Variants in UGT2B15 observed in about 807,000 individuals in gnomAD.
UGT2B15 encodes UDP glucuronosyltransferase family 2 member B15.
In UGT2B15, 36 loss-of-function variants were observed where a neutral mutation model predicts 45.9. The ratio of observed to expected loss-of-function variants is 0.78; its 90% CI spans 0.60 to 1.04. UGT2B15 has a LOEUF of 1.04. UGT2B15 is among the 50% of genes least tolerant of loss of function. UGT2B15 has a pLI of 0.00. For missense variants in UGT2B15, 617 were observed against 622.4 expected, an observed-to-expected ratio of 0.99 and a Z score of 0.09; for synonymous variants, 219 against 216.4, an observed-to-expected ratio of 1.01 and a Z score of -0.11.
At chr4:68,650,148 TA>T (rs1732608692) in intron 5 of UGT2B15, among the ~76,000 whole-genome samples, 1 of 152,058 alleles carries the variant, frequency 6.6e-6, no homozygotes, top group Non-Finnish European at 1.5e-5. Flanking sequence ...CAAATTTTTT[TA>T]AAAAGTTTTA....
chr4:68,652,282 C>T (rs769797869), intron 5 of UGT2B15, among the ~76,000 whole-genome samples: 46 of 151,972 alleles, frequency 3.0e-4, no homozygotes, highest in East Asian at 1.9e-4. Context: ...TTTGGAGCTG[C>T]GACAAAGGGG....
At position 68,654,123 on chromosome 4, in the gene UGT2B15, G is replaced by T. The variant is rs759067328; in HGVS notation, c.1227C>A (p.Ala409=). 1.2e-6 allele frequency: 2 copies of T among 1,613,476 alleles called. No homozygotes were observed. The highest frequency in any genetic ancestry group is 2.7e-5 in the African/African-American group (2 of 74,806). ...DQHDNIAHMK[A]KGAALSVDIR... is the part of the protein sequence containing the mutation. ...TGTCCACACTGAGGGCTGCTCCCTT[G>T]GCTTTCATGTGAGCAATGTTATCAT... The change falls in exon 5 of 6, where the codon GCC becomes GCA. Residue 409 remains alanine (A), a synonymous_variant. Coordinates refer to ENST00000338206, the MANE Select transcript of UGT2B15 (RefSeq NM_001076.4).
chr4:68,664,309 A>G (rs1733055568), intron 2 of UGT2B15, among the ~76,000 whole-genome samples: 1 of 150,908 alleles, frequency 6.6e-6, no homozygotes, highest in African/African-American at 2.4e-5. Context: ...AGAAATGTAG[A>G]CCCATAAGTT....
At chr4:68,652,193 T>C (rs1192880932) in intron 5 of UGT2B15, among the ~76,000 whole-genome samples, 2 of 152,032 alleles carry the variant, frequency 1.3e-5, no homozygotes, top group Admixed American at 6.6e-5. Flanking sequence ...ACTGTCAGTG[T>C]ATAGTAATGC....
Position 68,646,650 on chromosome 4 carries a change from G to A in UGT2B15, c.*454C>T, listed in dbSNP as rs1732477299. 1 of 147,872 alleles carries A rather than the reference G, an allele frequency of 6.8e-6. No individual in the cohort carries two copies. Among genetic ancestry groups the A allele is most frequent in the African/African-American group, 2.5e-5 (1 of 39,932 alleles). The allele number at this position is 147,872 out of a possible 1,614,324, so 9.2% of individuals were successfully genotyped here. ...TTTCTTTTTTTTTTATGGCTTGGATGACACTTTATTTTCAGATCCAATACT... is the reference window on the plus strand; with the variant it reads ...TTTCTTTTTTTTTTATGGCTTGGATAACACTTTATTTTCAGATCCAATACT... On this transcript the variant is annotated 3_prime_UTR_variant, in exon 6 of 6. Transcript: ENST00000338206.
At chr4:68,662,519 G>A (rs1337512032) in intron 3 of UGT2B15, among the ~76,000 whole-genome samples, 1 of 145,400 alleles carries the variant, frequency 6.9e-6, no homozygotes, top group African/African-American at 2.6e-5. Context: ...TCCAATACAT[G>A]GGAAGTAAAA....
chr4:68,660,004 GA>G (rs1160020938), intron 3 of UGT2B15, among the ~76,000 whole-genome samples: 1 of 141,098 alleles, frequency 7.1e-6, no homozygotes, highest in Admixed American at 7.2e-5. Context: ...ATACTCCTAT[GA>G]AAAAAATTTA....
chr4:68,662,545 G>A (rs1488325036), intron 3 of UGT2B15, among the ~76,000 whole-genome samples: 1 of 147,156 alleles, frequency 6.8e-6, no homozygotes, highest in Non-Finnish European at 1.5e-5. Context: ...CAGATTGCTT[G>A]GTAAGACGAA....
Position 68,646,971 on chromosome 4 carries a change from T to C in UGT2B15, c.*133A>G, listed in dbSNP as rs1732492049. On this transcript the variant is annotated 3_prime_UTR_variant, in exon 6 of 6. Coordinates refer to ENST00000338206, the MANE Select transcript of UGT2B15 (RefSeq NM_001076.4). ...GTATTAAATCCCTGGAAAATAAATT[T>C]TGTCTTAACAAGGTAAGTTGTGAAA... is the stretch of plus-strand genomic sequence containing the variant. 2.2e-6 allele frequency: 3 copies of C among 1,348,054 alleles called. No homozygotes were observed. Among genetic ancestry groups the C allele is most frequent in the South Asian group, 3.0e-5 (2 of 67,184 alleles). 83.5% of individuals were successfully genotyped at this position (1,348,054 alleles called of 1,614,324 possible).
chr4:68,662,141 A>G (rs1380349300), intron 3 of UGT2B15, among the ~76,000 whole-genome samples: 1 of 152,100 alleles, frequency 6.6e-6, no homozygotes, highest in Non-Finnish European at 1.5e-5. Context: ...ATAAGAAACT[A>G]AAACGTAAAT....
At chr4:68,666,745 TA>T (rs1733132142) in intron 2 of UGT2B15, among the ~76,000 whole-genome samples, 7 of 77,864 alleles carry the variant, frequency 9.0e-5, no homozygotes, top group African/African-American at 2.6e-4. Context: ...TATATATATA[TA>T]TATATATTTT....
intron 2 of UGT2B15, among the ~76,000 whole-genome samples, 156 bp downstream of exon 2, chr4:68,667,884 T>C (rs1733186541): frequency 6.6e-6 from 1 of 152,204 alleles, no homozygotes; most frequent in Non-Finnish European, 1.5e-5. Flanking sequence ...ATTCACATAC[T>C]TGTGATACTA....
At chr4:68,652,492 T>C (rs1198542556) in intron 5 of UGT2B15, among the ~76,000 whole-genome samples, 3 of 151,710 alleles carry the variant, frequency 2.0e-5, no homozygotes, top group Admixed American at 2.0e-4. Context: ...AAATCATTTC[T>C]TGTCTTACTA....
At chr4:68,654,356 G>T (rs1732743351) in intron 4 of UGT2B15, 100 bp from the exon 5 acceptor site, 2 of 1,213,984 alleles carry the variant, frequency 1.6e-6, no homozygotes, top group East Asian at 2.4e-5. Flanking sequence ...CTGTTCCCTA[G>T]GTAACATTAT....
intron 5 of UGT2B15, among the ~76,000 whole-genome samples, chr4:68,649,173 C>T (rs1173075638): frequency 6.7e-6 from 1 of 150,172 alleles, no homozygotes; most frequent in Non-Finnish European, 1.5e-5. Context: ...TCTAGTATGA[C>T]TAGAACATAT....
chr4:68,666,753 T>TA (rs376549417), intron 2 of UGT2B15, among the ~76,000 whole-genome samples: 15,024 of 85,468 alleles, frequency 0.18, 880 homozygotes, highest in South Asian at 0.34. Context: ...TATATATATA[T>TA]TTTTTTTTTT....
At position 68,662,341 on chromosome 4, in the gene UGT2B15, T is replaced by G. The variant is rs528739543; in HGVS notation, c.1005+667A>C. 7.6e-4 allele frequency among the ~76,000 whole-genome samples: 115 copies of G among 151,694 alleles called. 1 individual carries two copies. Among genetic ancestry groups the G allele is most frequent in the Non-Finnish European group, 1.1e-3 (77 of 67,960 alleles). On this transcript the variant is annotated intron_variant, in intron 3 of 5. Transcript: ENST00000338206. ...TTCTATCTCCATCCTTTCCATTACA[T>G]TTTTCTGCTTAAGACATTAGCGGCA...
chr4:68,654,079 C>T lies in UGT2B15; in HGVS notation c.1271G>A (p.Arg424Lys). 1.2e-6 allele frequency: 2 copies of T among 1,613,562 alleles called. No homozygotes were observed. The highest frequency in any genetic ancestry group is 1.7e-6 in the Non-Finnish European group (2 of 1,179,644). The change falls in exon 5 of 6, where the codon AGA becomes AAA. Residue 424 changes from arginine to lysine, a missense_variant. Transcript: ENST00000338206. Reference sequence around the variant, plus strand: ...TGACTTCAATGCATTGAGCAAATCTCTACTTGACATGGTCCTGATGTCCAC... The same window carrying T: ...TGACTTCAATGCATTGAGCAAATCTTTACTTGACATGGTCCTGATGTCCAC... ...LSVDIRTMSS[R>K]DLLNALKSVI...
chr4:68,664,800 G>A (rs1287046658), intron 2 of UGT2B15, among the ~76,000 whole-genome samples: 1 of 152,066 alleles, frequency 6.6e-6, no homozygotes, highest in Non-Finnish European at 1.5e-5. Context: ...TCCTGACCTT[G>A]TGATCCACCC....
Sources: gnomAD v4.1 joint callset for allele counts (sites outside exome capture counted in the v4.1 genomes callset) on GRCh38, gnomAD v4.1.1 for gene constraint, MANE v1.5 for transcripts, NCBI Gene and HGNC (gene_info 2026-07-23, HGNC 2026-07-21) for gene names.